SERINC1: variants seen among roughly 807,000 people sequenced by gnomAD.
SERINC1 encodes serine incorporator 1.
Under a neutral mutation model 52.9 loss-of-function variants are expected in SERINC1, and 38 were observed. That is an observed-to-expected ratio of 0.72 (90% CI 0.55 to 0.94). SERINC1 has a LOEUF of 0.94. SERINC1 is among the 40% of genes least tolerant of loss of function. SERINC1 has a pLI of 0.00. For missense variants in SERINC1, 471 were observed against 533.9 expected (o/e 0.88, Z 1.16); for synonymous variants, 198 against 183.1 (o/e 1.08, Z -0.66).
chr6:122,461,037 G>T (rs932158271), intron 1 of SERINC1, among the ~76,000 whole-genome samples: 33 of 152,114 alleles, frequency 2.2e-4, no homozygotes, highest in African/African-American at 7.5e-4. Flanking sequence ...ATAAGAAAAG[G>T]ATCAGAACAT....
chr6:122,459,978 A>G (rs544924898), intron 1 of SERINC1, among the ~76,000 whole-genome samples: 1 of 152,362 alleles, frequency 6.6e-6, no homozygotes, highest in African/African-American at 2.4e-5. Flanking sequence ...AATGGAAAAA[A>G]TAAGTTTTTC....
At chr6:122,450,569 G>A (rs549012880) in intron 7 of SERINC1, among the ~76,000 whole-genome samples, 3 of 152,268 alleles carry the variant, frequency 2.0e-5, no homozygotes, top group Admixed American at 2.0e-4. Flanking sequence ...GGCTATAGCT[G>A]CCATAGAGTA....
In SERINC1 at chr6:122,451,700, T is replaced by C; in HGVS notation, c.814A>G (p.Met272Val). The C allele has an allele frequency of 8.0e-7, 1 of 1,249,184 alleles. No homozygotes were observed. Among genetic ancestry groups the C allele is most frequent in the Non-Finnish European group, 1.1e-6 (1 of 940,698 alleles). The allele number at this position is 1,249,184 out of a possible 1,614,324, so 77.4% of individuals were successfully genotyped here. A position where few individuals can be genotyped will look rare whatever the true frequency, so the allele number is the denominator to read the frequency against. ...GTCATAGCTGACCATGTCAAATACA[T>C]TGTGTAGACTGTAATTACTGAAGAC... is the stretch of plus-strand genomic sequence containing the variant. ...LQSSVITVYT[M>V]YLTWSAMTNE... Residue 272 changes from methionine (M) to valine (V), a missense_variant, in exon 7 of 10, where the codon ATG (methionine) becomes GTG (valine). Met to Val is a conservative substitution (Grantham distance 21). Coordinates refer to ENST00000339697, the MANE Select transcript of SERINC1 (RefSeq NM_020755.4).
chr6:122,451,776 A>AAAATATACATATATATATATATATATAT, intron 6 of SERINC1, 22 bp from the exon 7 acceptor site: 29 of 113,078 alleles, frequency 2.6e-4, no homozygotes, highest in African/African-American at 1.9e-3. Flanking sequence ...AAAAAAAAAA[A>AAAATATACATATATATATATATATATAT]ATATATATAT....
intron 1 of SERINC1, among the ~76,000 whole-genome samples, chr6:122,469,097 G>A (rs888126533): frequency 6.6e-6 from 1 of 152,096 alleles, no homozygotes; most frequent in Admixed American, 6.5e-5. Flanking sequence ...ATGAACCAAG[G>A]ATTATGATCA....
At chr6:122,451,776 A>AAATATATAT in intron 6 of SERINC1, 22 bp from the exon 7 acceptor site, 44 of 113,044 alleles carry the variant, frequency 3.9e-4, no homozygotes, top group South Asian at 1.3e-3. Flanking sequence ...AAAAAAAAAA[A>AAATATATAT]ATATATATAT....
intron 1 of SERINC1, among the ~76,000 whole-genome samples, chr6:122,461,560 A>G (rs554610580): frequency 1.2e-4 from 18 of 151,810 alleles, no homozygotes; most frequent in African/African-American, 3.6e-4. Context: ...CTAATGCTAG[A>G]TGACGAGTTA....
chr6:122,464,946 A>G (rs938397776), intron 1 of SERINC1, among the ~76,000 whole-genome samples: 1 of 152,190 alleles, frequency 6.6e-6, no homozygotes, highest in South Asian at 2.1e-4. Context: ...AAGTGCTTCT[A>G]GTTAAAGATG....
chr6:122,469,374 GTTTTTGT>G (rs1217021015), intron 1 of SERINC1, among the ~76,000 whole-genome samples: 8 of 140,122 alleles, frequency 5.7e-5, no homozygotes, highest in Middle Eastern at 3.6e-3. Context: ...TCTGTTTTTT[GTTTTTGT>G]TTTTTTTTTT....
chr6:122,462,528 A>C (rs1445947035), intron 1 of SERINC1, among the ~76,000 whole-genome samples: 1 of 152,214 alleles, frequency 6.6e-6, no homozygotes, highest in Non-Finnish European at 1.5e-5. Flanking sequence ...AAGCTGAGGC[A>C]GGAGGACCAT....
At chr6:122,445,996 A>C (rs1390232793) in intron 9 of SERINC1, among the ~76,000 whole-genome samples, 1 of 151,320 alleles carries the variant, frequency 6.6e-6, no homozygotes, top group Non-Finnish European at 1.5e-5. Flanking sequence ...GGCTGCACTC[A>C]AAGACATACA....
intron 1 of SERINC1, among the ~76,000 whole-genome samples, chr6:122,461,506 G>A (rs532090349): frequency 2.7e-5 from 4 of 148,630 alleles, no homozygotes; most frequent in African/African-American, 9.9e-5. Flanking sequence ...TGGGGACTGT[G>A]GTGGGGTTGG....
chr6:122,458,966 A>T (rs763914917), intron 1 of SERINC1, among the ~76,000 whole-genome samples: 1 of 152,172 alleles, frequency 6.6e-6, no homozygotes. Context: ...AGCAGTAACC[A>T]AAGTTTAAAG....
rs775769308 is a variant in SERINC1 at position 122,471,761 on chromosome 6, G to T, written c.-24C>A. On this transcript the variant is annotated 5_prime_UTR_variant, in exon 1 of 10. Transcript: ENST00000339697. ...ATCTCCACAACGTCACAAGAGCAGC[G>T]GATACAGACAAGATGGAGACAGCTT... The T allele has an allele frequency of 2.5e-6, 4 of 1,613,956 alleles. No homozygotes were observed. Among genetic ancestry groups the T allele is most frequent in the Non-Finnish European group, 3.4e-6 (4 of 1,179,902 alleles).
chr6:122,468,241 T>G (rs1775219556), intron 1 of SERINC1, among the ~76,000 whole-genome samples: 1 of 152,238 alleles, frequency 6.6e-6, no homozygotes, highest in South Asian at 2.1e-4. Flanking sequence ...TTTCTTAAAC[T>G]TAAACCAGAC....
At chr6:122,470,660 T>C (rs1329434532) in intron 1 of SERINC1, among the ~76,000 whole-genome samples, 1 of 152,204 alleles carries the variant, frequency 6.6e-6, no homozygotes, top group East Asian at 1.9e-4. Flanking sequence ...ACATTATTAT[T>C]TGATTAAAAT....
intron 7 of SERINC1, among the ~76,000 whole-genome samples, 189 bp downstream of exon 7, chr6:122,451,475 T>G (rs553607792): frequency 6.6e-6 from 1 of 152,064 alleles, no homozygotes; most frequent in Non-Finnish European, 1.5e-5. Context: ...GGTATACATG[T>G]AACCTTCTTA....
chr6:122,464,312 A>G (rs1274827967), intron 1 of SERINC1, among the ~76,000 whole-genome samples: 1 of 152,216 alleles, frequency 6.6e-6, no homozygotes, highest in Admixed American at 6.5e-5. Context: ...TAAATAAATG[A>G]ATTAAAGGAT....
In SERINC1 at chr6:122,456,508, C is replaced by G; in HGVS notation, c.344G>C (p.Ser115Thr). The G allele has an allele frequency of 6.2e-7, 1 of 1,607,802 alleles. No homozygotes were observed. Among genetic ancestry groups the G allele is most frequent in the Non-Finnish European group, 8.5e-7 (1 of 1,177,666 alleles). ...SLLMIKVKSS[S>T]DPRAAVHNGF... Reference sequence around the variant, plus strand: ...ATTGTGCACTGCAGCTCTAGGATCACTGCTACTCTTCACTTTGATCATTAG... The same window carrying G: ...ATTGTGCACTGCAGCTCTAGGATCAGTGCTACTCTTCACTTTGATCATTAG... The change falls in exon 3 of 10, where the codon AGT (serine) becomes ACT (threonine). Residue 115 changes from serine (S) to threonine (T), a missense_variant. Physicochemically the swap from Ser to Thr is moderately conservative, Grantham distance 58. Transcript: ENST00000339697.
Sources: gnomAD v4.1 joint callset for allele counts (sites outside exome capture counted in the v4.1 genomes callset) on GRCh38, gnomAD v4.1.1 for gene constraint, MANE v1.5 for transcripts, NCBI Gene and HGNC (gene_info 2026-07-23, HGNC 2026-07-21) for gene names.